Variants in SUGCT observed in about 807,000 individuals in gnomAD.
SUGCT encodes succinyl-CoA:glutarate-CoA transferase, also known as succinyl-CoA:glutarate CoA-transferase.
In SUGCT, 41 loss-of-function variants were observed where a neutral mutation model predicts 55.0. The observed-to-expected ratio is 0.74, with a 90% CI of 0.58 to 0.97. The LOEUF (loss-of-function observed/expected upper bound fraction) is 0.97. Ranked by LOEUF, SUGCT falls within the 50% of genes least tolerant of loss-of-function variation. The pLI, the probability that SUGCT is intolerant of heterozygous loss-of-function variation, is 0.00. For synonymous variants in SUGCT, 187 were observed against 200.4 expected, an observed-to-expected ratio of 0.93 and a Z score of 0.56; for missense variants, 568 against 547.8, an observed-to-expected ratio of 1.04 and a Z score of -0.37.
At chr7:40,400,745 A>G (rs1442827073) in intron 9 of SUGCT, among the ~76,000 whole-genome samples, 1 of 152,076 alleles carries the variant, frequency 6.6e-6, no homozygotes, top group Non-Finnish European at 1.5e-5. Flanking sequence ...GTGCTTATGC[A>G]TTTTGCTTAC....
intron 1 of SUGCT, among the ~76,000 whole-genome samples, chr7:40,143,419 T>C (rs1788087574): frequency 6.6e-6 from 1 of 152,198 alleles, no homozygotes; most frequent in African/African-American, 2.4e-5. Context: ...CTTTGGGATA[T>C]AGCAGAGAGA....
At chr7:40,189,688 G>C in intron 5 of SUGCT, 94 bp downstream of exon 5, 1 of 537,882 alleles carries the variant, frequency 1.9e-6, no homozygotes, top group Non-Finnish European at 3.1e-6. Flanking sequence ...CAATTTTATG[G>C]GTGATCTGTA....
At chr7:40,666,419 GTTTTTTTTTTT>G (rs70990637) in intron 12 of SUGCT, among the ~76,000 whole-genome samples, 5 of 72,236 alleles carry the variant, frequency 6.9e-5, no homozygotes, top group Admixed American at 3.3e-4. Context: ...TTATAGGTTA[GTTTTTTTTTTT>G]TTTTTTTTTT....
At chr7:40,200,316 T>C (rs1016196409) in intron 6 of SUGCT, among the ~76,000 whole-genome samples, 13 of 152,058 alleles carry the variant, frequency 8.5e-5, no homozygotes, top group African/African-American at 3.1e-4. Context: ...TTAAAACATA[T>C]AATAAATACA....
Position 40,252,866 on chromosome 7 carries a change from C to T in SUGCT, c.576+15140C>T, listed in dbSNP as rs148285649. Among the ~76,000 whole-genome samples, 1,099 of 152,216 alleles carry T rather than the reference C, an allele frequency of 7.2e-3. 5 individuals carry two copies. Among genetic ancestry groups the T allele is most frequent in the Non-Finnish European group, 0.011 (719 of 68,006 alleles). On this transcript the variant is annotated intron_variant, in intron 7 of 13. Coordinates refer to ENST00000335693, the MANE Select transcript of SUGCT (RefSeq NM_001193313.2). ...GACCTATTATGTTGCCCAGAGTGGT[C>T]TTGAAACCCTGGGCTCAAGTGATCC...
At position 40,182,045 on chromosome 7, in the gene SUGCT, C is replaced by T; in HGVS notation, c.226+17C>T. On this transcript the variant is annotated intron_variant, in intron 3 of 13. Transcript: ENST00000335693. ...AGAGACCAGGTAAAGCTATTACTCC[C>T]TTTAAAAAATAGAAACAAGCTAATA... 1 of 1,445,192 alleles carries T rather than the reference C, an allele frequency of 6.9e-7. No homozygotes were observed. Among genetic ancestry groups the T allele is most frequent in the East Asian group, 2.4e-5 (1 of 42,434 alleles). The allele number at this position is 1,445,192 out of a possible 1,614,324, so 89.5% of individuals were successfully genotyped here.
At chr7:40,898,452 C>G in the SUGCT span, among the ~76,000 whole-genome samples, 1 of 123,722 alleles carries the variant, frequency 8.1e-6, no homozygotes, top group African/African-American at 3.1e-5. Context: ...TTGGGGCTCA[C>G]GCCTGTAATC....
intron 11 of SUGCT, among the ~76,000 whole-genome samples, chr7:40,466,860 C>T (rs10253640): frequency 6.6e-6 from 1 of 152,244 alleles, no homozygotes; most frequent in South Asian, 2.1e-4. Context: ...GCTTCAGGTT[C>T]TCATATATCA....
At chr7:40,233,326 TCTC>T (rs1479848003) in intron 6 of SUGCT, among the ~76,000 whole-genome samples, 9 of 152,158 alleles carry the variant, frequency 5.9e-5, no homozygotes, top group Admixed American at 5.2e-4. Context: ...TTCAAGCAAT[TCTC>T]CTGCCTCAGC....
chr7:40,577,129 C>T (rs138770242), intron 12 of SUGCT, among the ~76,000 whole-genome samples: 2 of 152,302 alleles, frequency 1.3e-5, no homozygotes, highest in East Asian at 3.9e-4. Flanking sequence ...ACTAGAGCAG[C>T]ATTTCCGATT....
At chr7:40,758,487 A>G (rs1788367989) in intron 13 of SUGCT, among the ~76,000 whole-genome samples, 1 of 152,134 alleles carries the variant, frequency 6.6e-6, no homozygotes, top group Admixed American at 6.6e-5. Context: ...TAAAGGGGTT[A>G]AAGAAAAACC....
chr7:40,871,369 G>A, the SUGCT span, among the ~76,000 whole-genome samples: 1 of 152,142 alleles, frequency 6.6e-6, no homozygotes, highest in Non-Finnish European at 1.5e-5. Context: ...TGGAGAGAGA[G>A]GGGGGCCATT....
chr7:40,472,046 A>C (rs2151472000), intron 11 of SUGCT, among the ~76,000 whole-genome samples: 1 of 152,266 alleles, frequency 6.6e-6, no homozygotes, highest in East Asian at 1.9e-4. Context: ...AAAATGAATA[A>C]TAATTAGTGT....
At chr7:40,840,157 G>A (rs1031196724) in intron 13 of SUGCT, among the ~76,000 whole-genome samples, 29 of 152,000 alleles carry the variant, frequency 1.9e-4, no homozygotes, top group East Asian at 5.8e-4. Flanking sequence ...ATACTAAAGC[G>A]GAATCTCTGT....
At chr7:40,464,351 G>A (rs1338210076) in intron 11 of SUGCT, among the ~76,000 whole-genome samples, 1 of 152,168 alleles carries the variant, frequency 6.6e-6, no homozygotes, top group East Asian at 1.9e-4. Context: ...GTAATCATAT[G>A]CACAGTGGAT....
At chr7:40,814,100 C>T (rs1791551609) in intron 13 of SUGCT, among the ~76,000 whole-genome samples, 1 of 152,154 alleles carries the variant, frequency 6.6e-6, no homozygotes, top group Non-Finnish European at 1.5e-5. Flanking sequence ...CCTGATGGGG[C>T]TCCCTTTGTA....
rs771275549 is a variant in SUGCT at position 40,189,398 on chromosome 7, C to CTTTTTTT, written c.313-138_313-132dup. 0.13 allele frequency: 18,277 copies of CTTTTTTT among 145,034 alleles called. 1,612 individuals are homozygous for CTTTTTTT. The highest frequency in any genetic ancestry group is 0.22 in the African/African-American group (7,226 of 32,304). The allele number at this position is 145,034 out of a possible 1,614,324, so 9.0% of individuals were successfully genotyped here. ...TTATGATAGTATTTTAATACACATACTTTTTTTTTTTTTTACTTTTTATTT... is the reference window on the plus strand; with the variant it reads ...TTATGATAGTATTTTAATACACATACTTTTTTTTTTTTTTTTTTTTTACTTTTTATTT... On this transcript the variant is annotated intron_variant, in intron 4 of 13. Transcript: ENST00000335693.
the SUGCT span, among the ~76,000 whole-genome samples, chr7:40,956,447 T>A: frequency 6.6e-6 from 1 of 152,224 alleles, no homozygotes; most frequent in Admixed American, 6.5e-5. Flanking sequence ...GATGGTAGTT[T>A]GTGTTTCTGT....
At chr7:40,906,909 A>G in the SUGCT span, among the ~76,000 whole-genome samples, 2 of 152,164 alleles carry the variant, frequency 1.3e-5, no homozygotes, top group Admixed American at 1.3e-4. Flanking sequence ...AAACCAAATA[A>G]CAAATCTTCC....
Sources: gnomAD v4.1 joint callset for allele counts (sites outside exome capture counted in the v4.1 genomes callset) on GRCh38, gnomAD v4.1.1 for gene constraint, MANE v1.5 for transcripts, NCBI Gene and HGNC (gene_info 2026-07-23, HGNC 2026-07-21) for gene names.